The following TSPAN11 variants were observed in gnomAD, a reference collection of about 807,000 sequenced individuals.
TSPAN11 encodes the protein tetraspanin 11, also known as tetraspanin-11.
A neutral mutation model predicts 32.9 loss-of-function variants in TSPAN11; 29 were observed. The ratio of observed to expected loss-of-function variants is 0.88; its 90% confidence interval spans 0.66 to 1.20. The LOEUF (loss-of-function observed/expected upper bound fraction) is 1.20, where lower values mean the gene tolerates loss of function less well. Ranked by LOEUF, TSPAN11 falls within the 50% of genes most tolerant of loss-of-function variation. TSPAN11 has a pLI of 0.00. For synonymous variants in TSPAN11, 140 were observed against 141.3 expected (o/e 0.99, Z 0.07); for missense variants, 283 against 329.1 (o/e 0.86, Z 1.08).
At chr12:31,001,387 G>A (rs1339180629), downstream of TSPAN11, among the ~76,000 whole-genome samples, 1 of 151,906 alleles carries the variant, frequency 6.6e-6, no homozygotes, top group African/African-American at 2.4e-5. Context: ...CCCCAGGTTG[G>A]GTCACTGCCT....
At chr12:30,927,584 G>C (rs996130048) in intron 1 of TSPAN11, among the ~76,000 whole-genome samples, 1 of 151,952 alleles carries the variant, frequency 6.6e-6, no homozygotes, top group Non-Finnish European at 1.5e-5. Flanking sequence ...TGAGGTGAGC[G>C]TGGGGGTGGG....
At chr12:30,927,248 G>C (rs948417366) in intron 1 of TSPAN11, among the ~76,000 whole-genome samples, 3 of 152,246 alleles carry the variant, frequency 2.0e-5, no homozygotes, top group Admixed American at 2.0e-4. Flanking sequence ...CAGAGGGCCT[G>C]TCTGCCTGTG....
chr12:30,929,410 A>G (rs1040814869), intron 1 of TSPAN11, among the ~76,000 whole-genome samples: 1 of 152,186 alleles, frequency 6.6e-6, no homozygotes, highest in African/African-American at 2.4e-5. Flanking sequence ...GTCAGAGTTA[A>G]TATGGAAATG....
intron 2 of TSPAN11, among the ~76,000 whole-genome samples, chr12:30,957,037 G>A (rs1277191858): frequency 6.6e-6 from 1 of 152,234 alleles, no homozygotes; most frequent in Non-Finnish European, 1.5e-5. Context: ...GCGATGACTT[G>A]AGAGCATCAC....
At position 30,953,599 on chromosome 12, in the gene TSPAN11, C is replaced by A. The variant is rs570921149; in HGVS notation, c.-11-382C>A. On this transcript the variant is annotated intron_variant, in intron 1 of 7. Transcript: ENST00000546076. The stretch of plus-strand genomic sequence containing the variant: ...TCAAATGATGCAGAGTGCAAGTTTC[C>A]TATGCAAAGTAGTGATGCTGAGTGT... Among the ~76,000 whole-genome samples, 10 of 152,290 alleles carry A rather than the reference C, an allele frequency of 6.6e-5. No individual in the cohort carries two copies. The South Asian group carries it at 8.3e-4, about 13-fold the overall frequency.
At chr12:30,939,536 T>C (rs2241324) in intron 1 of TSPAN11, among the ~76,000 whole-genome samples, 7,089 of 152,288 alleles carry the variant, frequency 0.047, 555 homozygotes, top group East Asian at 0.35. Context: ...TTCAACCACA[T>C]GCACGCACTC....
chr12:30,969,772 T>A (rs1938811597), intron 3 of TSPAN11, among the ~76,000 whole-genome samples: 1 of 152,146 alleles, frequency 6.6e-6, no homozygotes, highest in African/African-American at 2.4e-5. Context: ...AGCACATTCC[T>A]GGCATGTCCT....
At chr12:31,008,114 T>TC in the TSPAN11 span, among the ~76,000 whole-genome samples, 3 of 7,484 alleles carry the variant, frequency 4.0e-4, no homozygotes, top group African/African-American at 1.1e-3. Flanking sequence ...CTTTTTTCTT[T>TC]TTTTTTTTTT....
At chr12:30,935,198 G>T (rs10771781) in intron 1 of TSPAN11, among the ~76,000 whole-genome samples, 93,169 of 151,600 alleles carry the variant, frequency 0.61, 29,583 homozygotes, top group East Asian at 0.75. Flanking sequence ...TCTCCATGGG[G>T]TGAAGAAAGA....
chr12:30,929,813 C>T (rs1046772896), intron 1 of TSPAN11, among the ~76,000 whole-genome samples: 7 of 152,214 alleles, frequency 4.6e-5, no homozygotes, highest in Non-Finnish European at 1.0e-4. Flanking sequence ...CTCTCCTCCA[C>T]GTAAAATAGT....
intron 1 of TSPAN11, among the ~76,000 whole-genome samples, chr12:30,946,274 C>T (rs968817114): frequency 6.6e-6 from 1 of 152,216 alleles, no homozygotes; most frequent in Non-Finnish European, 1.5e-5. Flanking sequence ...TCTCCAGTGT[C>T]TCACCCTAAA....
At chr12:30,960,061 G>A (rs1367508832) in intron 2 of TSPAN11, among the ~76,000 whole-genome samples, 8 of 144,780 alleles carry the variant, frequency 5.5e-5, no homozygotes, top group South Asian at 2.3e-4. Flanking sequence ...GAGGGCAGAG[G>A]GGAATTGGCA....
At position 30,978,597 on chromosome 12, in the gene TSPAN11, C is replaced by T; in HGVS notation, c.313C>T (p.Leu105=). ...GTTGCTCGTCATCTTCCTGGTTGAGCTGGTGGCGGGAGTCCTGGCCCATGT... is the reference window on the plus strand; with the variant it reads ...GTTGCTCGTCATCTTCCTGGTTGAGTTGGTGGCGGGAGTCCTGGCCCATGT... ...CLLLVIFLVE[L]VAGVLAHVYY... Residue 105 remains leucine, a synonymous_variant, in exon 4 of 8, where the codon CTG becomes TTG. Coordinates refer to ENST00000546076, the MANE Select transcript of TSPAN11 (RefSeq NM_001370302.1). 1.9e-6 allele frequency: 3 copies of T among 1,614,242 alleles called. No homozygotes were observed. Among genetic ancestry groups the T allele is most frequent in the Non-Finnish European group, 1.7e-6 (2 of 1,180,034 alleles).
At chr12:30,981,206 A>G (rs1939084651) in intron 5 of TSPAN11, among the ~76,000 whole-genome samples, 1 of 152,192 alleles carries the variant, frequency 6.6e-6, no homozygotes, top group Admixed American at 6.5e-5. Context: ...ACCCCAGGCC[A>G]CATCTCAGGC....
intron 2 of TSPAN11, among the ~76,000 whole-genome samples, chr12:30,959,309 G>A (rs1938562751): frequency 6.6e-6 from 1 of 152,142 alleles, no homozygotes; most frequent in African/African-American, 2.4e-5. Context: ...GACAGAGCAG[G>A]TGCCACACTC....
At chr12:30,974,335 C>A (rs1056384590) in intron 3 of TSPAN11, among the ~76,000 whole-genome samples, 1 of 152,206 alleles carries the variant, frequency 6.6e-6, no homozygotes, top group Non-Finnish European at 1.5e-5. Context: ...TTCTTCACTG[C>A]GGGAGACTGC....
chr12:30,953,176 A>C (rs1217687565), intron 1 of TSPAN11, among the ~76,000 whole-genome samples: 1 of 152,216 alleles, frequency 6.6e-6, no homozygotes, highest in African/African-American at 2.4e-5. Flanking sequence ...GTTCTTTGAC[A>C]TGTAATAATA....
At chr12:30,977,275 C>T (rs1416956157) in intron 3 of TSPAN11, among the ~76,000 whole-genome samples, 2 of 152,142 alleles carry the variant, frequency 1.3e-5, no homozygotes, top group Non-Finnish European at 2.9e-5. Context: ...CTCTGTCTAT[C>T]CTGGGCACCG....
At chr12:30,928,116 C>T (rs1937840547) in intron 1 of TSPAN11, among the ~76,000 whole-genome samples, 1 of 152,084 alleles carries the variant, frequency 6.6e-6, no homozygotes, top group South Asian at 2.1e-4. Flanking sequence ...CACCTTTGGA[C>T]TCGTGTGTAA....
Sources: allele counts gnomAD v4.1 joint callset (sites outside exome capture counted in the v4.1 genomes callset), GRCh38; gene constraint gnomAD v4.1.1; transcripts MANE v1.5; gene names NCBI Gene and HGNC (gene_info 2026-07-23, HGNC 2026-07-21).